COPA: variants seen among roughly 807,000 people sequenced by gnomAD.
COPA encodes the protein coatomer subunit alpha.
COPA carries 10 observed loss-of-function variants against 158.7 expected under a neutral mutation model. The ratio of observed to expected loss-of-function variants is 0.06; its 90% CI spans 0.04 to 0.11. The LOEUF (loss-of-function observed/expected upper bound fraction) is 0.11. Among genes scored for constraint, COPA ranks in the 10% least tolerant of loss-of-function variants. The pLI, the probability that COPA is intolerant of heterozygous loss-of-function variation, is 1.00. For missense variants in COPA, 1,065 were observed against 1,536.7 expected, an observed-to-expected ratio of 0.69 and a Z score of 5.13; for synonymous variants, 462 against 542.8, an observed-to-expected ratio of 0.85 and a Z score of 2.07.
At chr1:160,325,248 C>G (rs1659453014) in intron 7 of COPA, among the ~76,000 whole-genome samples, 2 of 152,164 alleles carry the variant, frequency 1.3e-5, no homozygotes, top group African/African-American at 4.8e-5. Context: ...TCCTGCTGCC[C>G]TGCCTTACAG....
intron 19 of COPA, among the ~76,000 whole-genome samples, chr1:160,298,630 T>C (rs541071927): frequency 8.5e-5 from 13 of 152,066 alleles, no homozygotes; most frequent in Non-Finnish European, 1.5e-4. Context: ...CTAATTGAGG[T>C]TGACAAAAAT....
In COPA at chr1:160,307,235, C is replaced by T; in HGVS notation, c.1230G>A (p.Gly410=). Residue 410 remains glycine, a synonymous_variant, in exon 14 of 33, where the codon GGG becomes GGA. Coordinates refer to ENST00000241704, the MANE Select transcript of COPA (RefSeq NM_004371.4). ...CGGCTGTCAGGCCTGAGGATCGTTT[C>T]CCTTCAGGCGCTGAGAAGAACAAAA... ...ADSQNPDAPE[G]KRSSGLTAVW... is the part of the protein sequence containing the mutation. 9 of 1,614,190 alleles carry T rather than the reference C, an allele frequency of 5.6e-6. No homozygotes were observed. The highest frequency in any genetic ancestry group is 7.6e-6 in the Non-Finnish European group (9 of 1,180,004).
chr1:160,343,076 G>A, intron 1 of COPA, 55 bp downstream of exon 1: 5 of 1,608,386 alleles, frequency 3.1e-6, no homozygotes, highest in Non-Finnish European at 4.3e-6. Context: ...CTTCCCCGGT[G>A]TCAGCGCCGC....
intron 6 of COPA, among the ~76,000 whole-genome samples, chr1:160,330,798 A>C (rs1051340513): frequency 6.6e-6 from 1 of 152,210 alleles, no homozygotes; most frequent in Non-Finnish European, 1.5e-5. Context: ...CCTTCCTTTC[A>C]TAGAATGAAA....
At position 160,290,112 on chromosome 1, in the gene COPA, C is replaced by T. The variant is rs1438954446; in HGVS notation, c.*45G>A. ...TAGAAGGAGGATATAGACACATTCT[C>T]TGGGGGGAACATATGGTGACTGACC... is the stretch of plus-strand genomic sequence containing the variant. On this transcript the variant is annotated 3_prime_UTR_variant, in exon 33 of 33. Transcript: ENST00000241704. 6.3e-7 allele frequency: 1 copy of T among 1,586,110 alleles called. No homozygotes were observed. The highest frequency in any genetic ancestry group is 2.2e-5 in the East Asian group (1 of 44,702).
chr1:160,331,783 A>G (rs1444683289), intron 6 of COPA, among the ~76,000 whole-genome samples: 1 of 152,054 alleles, frequency 6.6e-6, no homozygotes, highest in Non-Finnish European at 1.5e-5. Flanking sequence ...CCCCATCTCT[A>G]ATTAAGATAC....
Position 160,294,845 on chromosome 1 carries a change from G to A in COPA, c.2489C>T (p.Ala830Val). The A allele has an allele frequency of 6.2e-7, 1 of 1,614,100 alleles. No homozygotes were observed. The highest frequency in any genetic ancestry group is 2.2e-5 in the East Asian group (1 of 44,876). ...GTIASKGKGG[A>V]LAADIDIDTV... ...GTCAATGTCAATGTCAGCAGCCAGTGCTCCTCCCTTCCCTACAGAGGGAAG... is the reference window on the plus strand; with the variant it reads ...GTCAATGTCAATGTCAGCAGCCAGTACTCCTCCCTTCCCTACAGAGGGAAG... The change falls in exon 24 of 33, where the codon GCA becomes GTA. Residue 830 changes from alanine to valine, a missense_variant. This residue lies in a region of COPA where 980 missense variants were observed against 1,357.8 expected (regional missense o/e 0.72). Coordinates refer to ENST00000241704, the MANE Select transcript of COPA (RefSeq NM_004371.4).
Position 160,295,778 on chromosome 1 carries a change from T to A in COPA, c.2434A>T (p.Thr812Ser). 1.9e-6 allele frequency: 3 copies of A among 1,612,568 alleles called. No homozygotes were observed. Among genetic ancestry groups the A allele is most frequent in the Non-Finnish European group, 2.5e-6 (3 of 1,179,624 alleles). ...MPLDTNWPLLTVSKGFFEGTI... is the reference protein window; with the variant it reads ...MPLDTNWPLLSVSKGFFEGTI... ...CCTTCAAAAAATCCTTTGGATACAG[T>A]CAATAAAGGCCAATTGGTATCCAAT... The change falls in exon 23 of 33, where the codon ACT (threonine) becomes TCT (serine). Residue 812 changes from threonine to serine, a missense_variant. Physicochemically the swap from Thr to Ser is moderately conservative, Grantham distance 58 (BLOSUM62 1). This residue lies in a region of COPA where 980 missense variants were observed against 1,357.8 expected (regional missense o/e 0.72). Transcript: ENST00000241704.
rs747408205 is a variant in COPA at position 160,340,219 on chromosome 1, C to T, written c.116G>A (p.Arg39Gln). The T allele has an allele frequency of 3.7e-6, 6 of 1,613,596 alleles. No homozygotes were observed. Among genetic ancestry groups the T allele is most frequent in the African/African-American group, 1.3e-5 (1 of 74,964 alleles). ...HNGVIQLWDY[R>Q]MCTLIDKFDE... ...AAACTTGTCAATGAGAGTGCACATCCGATAGTCCCATAACTGGATGACCCC... is the reference window on the plus strand; with the variant it reads ...AAACTTGTCAATGAGAGTGCACATCTGATAGTCCCATAACTGGATGACCCC... Residue 39 changes from arginine (R) to glutamine (Q), a missense_variant, in exon 2 of 33, where the codon CGG (arginine) becomes CAG (glutamine). Physicochemically the swap from Arg to Gln is conservative, Grantham distance 43. Coordinates refer to ENST00000241704, the MANE Select transcript of COPA (RefSeq NM_004371.4).
chr1:160,307,049 G>A, intron 14 of COPA, 114 bp downstream of exon 14: 2 of 1,014,290 alleles, frequency 2.0e-6, no homozygotes, highest in South Asian at 2.6e-5. Flanking sequence ...GCCAATACAT[G>A]AGAATCACGG....
In COPA at chr1:160,291,799, C is replaced by T. The variant is rs772040679; in HGVS notation, c.3258+20G>A. 1 of 1,609,920 alleles carries T rather than the reference C, an allele frequency of 6.2e-7. No homozygotes were observed. On this transcript the variant is annotated intron_variant, in intron 30 of 32. Coordinates refer to ENST00000241704, the MANE Select transcript of COPA (RefSeq NM_004371.4). ...AAGGGAAGGACGTCTCTGTTGTGCTCAGGGTCCTATAGATCTTACCTCACA... is the reference window on the plus strand; with the variant it reads ...AAGGGAAGGACGTCTCTGTTGTGCTTAGGGTCCTATAGATCTTACCTCACA...
chr1:160,340,349 T>G (rs1647981595), intron 1 of COPA, 55 bp from the exon 2 acceptor site: 1 of 1,068,396 alleles, frequency 9.4e-7, no homozygotes, highest in Admixed American at 1.9e-5. Flanking sequence ...GATGTCACCT[T>G]CTGTCAATTC....
At chr1:160,341,026 G>A (rs1465513220) in intron 1 of COPA, among the ~76,000 whole-genome samples, 1 of 152,158 alleles carries the variant, frequency 6.6e-6, no homozygotes, top group East Asian at 1.9e-4. Flanking sequence ...TTGTTTATTT[G>A]CCTTCTCTGG....
chr1:160,297,905 T>C, intron 19 of COPA, among the ~76,000 whole-genome samples, 160 bp from the exon 20 acceptor site: 1 of 152,052 alleles, frequency 6.6e-6, no homozygotes, highest in East Asian at 1.9e-4. Context: ...ATCGGCTGGG[T>C]GCGGTGGCTC....
chr1:160,305,904 C>T, intron 15 of COPA, 131 bp from the exon 16 acceptor site: 2 of 767,734 alleles, frequency 2.6e-6, no homozygotes, highest in Non-Finnish European at 4.4e-6. Flanking sequence ...ACATAAAATA[C>T]TTAATGTAAT....
chr1:160,318,587 C>CTA (rs1359289417), intron 8 of COPA, among the ~76,000 whole-genome samples: 6 of 145,900 alleles, frequency 4.1e-5, no homozygotes, highest in East Asian at 4.2e-4. Flanking sequence ...ACCCAGAAGA[C>CTA]TATATTACTA....
intron 1 of COPA, among the ~76,000 whole-genome samples, chr1:160,342,433 G>C (rs1320600036): frequency 6.6e-6 from 1 of 151,954 alleles, no homozygotes; most frequent in African/African-American, 2.4e-5. Flanking sequence ...ACCCACACTC[G>C]AGCTCTAGAG....
chr1:160,327,488 C>T (rs991980676), intron 6 of COPA, among the ~76,000 whole-genome samples: 5 of 149,610 alleles, frequency 3.3e-5, no homozygotes, highest in Non-Finnish European at 7.4e-5. Context: ...GGGGGCGCAG[C>T]GCGGAGGTTG....
intron 31 of COPA, 146 bp from the exon 32 acceptor site, chr1:160,290,832 G>A: frequency 1.3e-6 from 1 of 743,616 alleles, no homozygotes; most frequent in Admixed American, 2.4e-5. Flanking sequence ...CTGGATGTAT[G>A]TGAAGGGTTA....
Sources: gnomAD v4.1 joint callset for allele counts (sites outside exome capture counted in the v4.1 genomes callset) on GRCh38, gnomAD v4.1.1 for gene constraint, gnomAD v4.1.1 regional missense constraint, MANE v1.5 for transcripts, NCBI Gene and HGNC (gene_info 2026-07-23, HGNC 2026-07-21) for gene names.